The following PRTFDC1 variants were observed in gnomAD, a reference collection of about 807,000 sequenced individuals.
PRTFDC1 encodes the protein phosphoribosyltransferase domain-containing protein 1.
PRTFDC1 carries 38 observed loss-of-function variants against 34.6 expected under a neutral mutation model. The observed-to-expected ratio is 1.10, with a 90% CI of 0.85 to 1.44. The LOEUF is 1.44. PRTFDC1 is among the 40% of genes most tolerant of loss of function. PRTFDC1 has a pLI of 0.00. For synonymous variants in PRTFDC1, 93 were observed against 98.1 expected (o/e 0.95, Z 0.31); for missense variants, 270 against 283.0 (o/e 0.95, Z 0.33).
At chr10:24,875,444 C>G (rs1414829418) in intron 3 of PRTFDC1, among the ~76,000 whole-genome samples, 3 of 152,154 alleles carry the variant, frequency 2.0e-5, no homozygotes, top group Non-Finnish European at 2.9e-5. Context: ...CCATTCTATT[C>G]TCTACTTCTA....
intron 3 of PRTFDC1, among the ~76,000 whole-genome samples, chr10:24,923,128 T>C (rs769358622): frequency 6.6e-6 from 1 of 152,144 alleles, no homozygotes; most frequent in Non-Finnish European, 1.5e-5. Context: ...CTTCAGTATG[T>C]AAACAAAGTG....
rs2132480962 is a variant in PRTFDC1, at chr10:24,849,046, C to A, written c.*798G>T. On this transcript the variant is annotated 3_prime_UTR_variant, in exon 9 of 9. Transcript: ENST00000320152. ...GTTTCGAGCATTGAAAGCACTCGCCCCTAATTCTGCCATTTGCTCATGTCC... is the reference window on the plus strand; with the variant it reads ...GTTTCGAGCATTGAAAGCACTCGCCACTAATTCTGCCATTTGCTCATGTCC... 1 of 152,228 alleles carries A rather than the reference C, an allele frequency of 6.6e-6. No individual in the cohort carries two copies. The highest frequency in any genetic ancestry group is 2.4e-5 in the African/African-American group (1 of 41,548). The allele number at this position is 152,228 out of a possible 1,614,324, so 9.4% of individuals were successfully genotyped here. A position where few individuals can be genotyped will look rare whatever the true frequency, so the allele number is the denominator to read the frequency against.
At chr10:24,908,803 C>T in intron 3 of PRTFDC1, 1 of 1,390,786 alleles carries the variant, frequency 7.2e-7, no homozygotes, top group Middle Eastern at 2.6e-4. Flanking sequence ...GCCAGATAGC[C>T]CTCACATCCC....
intron 3 of PRTFDC1, among the ~76,000 whole-genome samples, chr10:24,912,209 C>T (rs1848636077): frequency 8.4e-6 from 1 of 118,628 alleles, no homozygotes; most frequent in Non-Finnish European, 1.6e-5. Context: ...GCAGAGGTTG[C>T]AGTGAGCAGA....
intron 4 of PRTFDC1, among the ~76,000 whole-genome samples, chr10:24,865,106 ACT>A (rs1272404758): frequency 6.6e-6 from 1 of 152,074 alleles, no homozygotes; most frequent in African/African-American, 2.4e-5. Flanking sequence ...ACAGAGTGAG[ACT>A]CTGTCTCAAC....
rs373634618 is a variant in PRTFDC1 at position 24,908,621 on chromosome 10, T to C, written c.339+28563A>G. 186 of 1,612,430 alleles carry C rather than the reference T, an allele frequency of 1.2e-4. 1 individual carries two copies. The highest frequency in any genetic ancestry group is 3.7e-5 in the Non-Finnish European group (44 of 1,179,854). On this transcript the variant is annotated intron_variant, in intron 3 of 8. Coordinates refer to ENST00000320152, the MANE Select transcript of PRTFDC1 (RefSeq NM_020200.7). ...TTGCAGGGGAGCACAGCTACTCATA[T>C]ACCCTTGACTGAAGGCCAGTCCTCC...
chr10:24,881,233 A>AT (rs1293059883), intron 3 of PRTFDC1, among the ~76,000 whole-genome samples: 1 of 118,658 alleles, frequency 8.4e-6, no homozygotes, highest in South Asian at 2.8e-4. Flanking sequence ...CACCCAGCTG[A>AT]TTTTTTTATT....
At chr10:24,902,102 G>T (rs1398018682) in intron 3 of PRTFDC1, among the ~76,000 whole-genome samples, 1 of 152,214 alleles carries the variant, frequency 6.6e-6, no homozygotes, top group Non-Finnish European at 1.5e-5. Context: ...GCAGCAAAGG[G>T]AGGGAAAGAA....
intron 3 of PRTFDC1, among the ~76,000 whole-genome samples, chr10:24,891,751 A>T (rs1270064770): frequency 6.6e-6 from 1 of 152,202 alleles, no homozygotes; most frequent in Non-Finnish European, 1.5e-5. Flanking sequence ...ACAGAGTGAG[A>T]ACTTGTCTCA....
intron 4 of PRTFDC1, 48 bp downstream of exon 4, chr10:24,871,950 G>A: frequency 2.0e-6 from 3 of 1,509,120 alleles, no homozygotes; most frequent in East Asian, 2.3e-5. Flanking sequence ...GCAGGTCACC[G>A]ATGCCCCCAG....
chr10:24,931,546 G>C (rs1389214944), intron 3 of PRTFDC1, among the ~76,000 whole-genome samples: 1 of 148,992 alleles, frequency 6.7e-6, no homozygotes, highest in Non-Finnish European at 1.5e-5. Flanking sequence ...GACTGAAAGA[G>C]AGAATATCAC....
chr10:24,899,786 C>T (rs1002564022), intron 3 of PRTFDC1, among the ~76,000 whole-genome samples: 1 of 152,150 alleles, frequency 6.6e-6, no homozygotes, highest in Non-Finnish European at 1.5e-5. Context: ...TAAACATGTT[C>T]CCACAACAAT....
rs1588631468 is a variant in PRTFDC1, at chr10:24,952,300, G to C, written c.48+228C>G. ...GAGCGAGCTACCGGCCGGAGGACAC[G>C]GGGGGACGCTGGGAACTCGGGGTGA... is the stretch of plus-strand genomic sequence containing the variant. On this transcript the variant is annotated intron_variant, in intron 1 of 8. Coordinates refer to ENST00000320152, the MANE Select transcript of PRTFDC1 (RefSeq NM_020200.7). The surrounding 1 kb of genome is among the most constrained non-coding windows in gnomAD (Gnocchi z 5.1). Among the ~76,000 whole-genome samples, 1 of 152,134 alleles carries C rather than the reference G, an allele frequency of 6.6e-6. No individual in the cohort carries two copies. The highest frequency in any genetic ancestry group is 1.5e-5 in the Non-Finnish European group (1 of 68,016).
chr10:24,942,548 T>G (rs1849179689), intron 1 of PRTFDC1, 112 bp from the exon 2 acceptor site: 5 of 837,122 alleles, frequency 6.0e-6, no homozygotes, highest in Admixed American at 3.9e-5. Flanking sequence ...AAAAGTTTAG[T>G]GGAACAAGGT....
chr10:24,858,166 G>A (rs1847615467), intron 5 of PRTFDC1, among the ~76,000 whole-genome samples: 1 of 152,164 alleles, frequency 6.6e-6, no homozygotes, highest in African/African-American at 2.4e-5. Context: ...TGTGGAACTG[G>A]ATACACAAAA....
At chr10:24,936,146 A>T (rs985064053) in intron 3 of PRTFDC1, among the ~76,000 whole-genome samples, 2 of 152,248 alleles carry the variant, frequency 1.3e-5, no homozygotes, top group African/African-American at 4.8e-5. Context: ...AGTTTAGTCA[A>T]CGAGAATATT....
chr10:24,923,766 C>T (rs1484056702), intron 3 of PRTFDC1, among the ~76,000 whole-genome samples: 1 of 152,178 alleles, frequency 6.6e-6, no homozygotes, highest in Non-Finnish European at 1.5e-5. Context: ...CGCAGCTCCT[C>T]ACCAGCAATG....
chr10:24,876,215 T>C (rs1170462988), intron 3 of PRTFDC1, among the ~76,000 whole-genome samples: 2 of 151,492 alleles, frequency 1.3e-5, no homozygotes, highest in African/African-American at 4.9e-5. Flanking sequence ...CCAACGTTTC[T>C]ACCAAAACAA....
At chr10:24,901,481 T>C (rs933649967) in intron 3 of PRTFDC1, among the ~76,000 whole-genome samples, 12 of 152,160 alleles carry the variant, frequency 7.9e-5, no homozygotes, top group Non-Finnish European at 1.5e-4. Flanking sequence ...TCCCAGCACT[T>C]TGGGAGGCCA....
Sources: allele counts gnomAD v4.1 joint callset (sites outside exome capture counted in the v4.1 genomes callset), GRCh38; gene constraint gnomAD v4.1.1; non-coding constraint Gnocchi (gnomAD v3.1); transcripts MANE v1.5; gene names NCBI Gene and HGNC (gene_info 2026-07-23, HGNC 2026-07-21).